The following STAU2 variants were observed in gnomAD, a reference collection of about 807,000 sequenced individuals.
STAU2 encodes the protein staufen double-stranded RNA binding protein 2.
In STAU2, 20 loss-of-function variants were observed where a neutral mutation model predicts 65.9. That is an observed-to-expected ratio of 0.30 (90% CI 0.21 to 0.44). The LOEUF is 0.44. Among genes scored for constraint, STAU2 ranks in the 20% least tolerant of loss-of-function variants. The pLI is 1.00. For missense variants in STAU2, 558 were observed against 683.9 expected, an observed-to-expected ratio of 0.82 and a Z score of 2.05; for synonymous variants, 232 against 233.9, an observed-to-expected ratio of 0.99 and a Z score of 0.07.
At chr8:73,523,802 G>A (rs1462811827) in intron 13 of STAU2, among the ~76,000 whole-genome samples, 2 of 152,162 alleles carry the variant, frequency 1.3e-5, no homozygotes, top group Non-Finnish European at 2.9e-5. Flanking sequence ...AGTGGAGGGG[G>A]CCAAATCATA....
intron 13 of STAU2, chr8:73,527,738 T>A (rs1805539990): frequency 1.3e-6 from 2 of 1,536,650 alleles, no homozygotes; most frequent in Non-Finnish European, 1.7e-6. Flanking sequence ...TGGAAAGTCA[T>A]CTGCACAGGG....
chr8:73,460,969 C>G (rs944763227), intron 13 of STAU2, among the ~76,000 whole-genome samples: 1 of 152,092 alleles, frequency 6.6e-6, no homozygotes, highest in Non-Finnish European at 1.5e-5. Context: ...GGTGTGCCTG[C>G]TCCTCTCCTC....
Position 73,425,467 on chromosome 8 carries a change from G to C in STAU2, c.1531-2765C>G, listed in dbSNP as rs1816741535. Among the ~76,000 whole-genome samples, 4 of 152,218 alleles carry C rather than the reference G, an allele frequency of 2.6e-5. No individual in the cohort carries two copies. The South Asian group carries it at 8.3e-4, about 32-fold the overall frequency. ...CCCTCACAGCCTTCAGAAGGAACCA[G>C]CCCTGCCAGCACCTTGATCTTGAAC... On this transcript the variant is annotated intron_variant, in intron 13 of 14. Coordinates refer to ENST00000524300, the MANE Select transcript of STAU2 (RefSeq NM_001164380.2).
intron 13 of STAU2, among the ~76,000 whole-genome samples, chr8:73,530,265 T>C (rs1805724732): frequency 6.6e-6 from 1 of 152,188 alleles, no homozygotes; most frequent in African/African-American, 2.4e-5. Flanking sequence ...CTAATCTCAG[T>C]GAGATTTTCT....
At chr8:73,626,282 G>A (rs1813633317) in intron 6 of STAU2, among the ~76,000 whole-genome samples, 1 of 152,212 alleles carries the variant, frequency 6.6e-6, no homozygotes, top group South Asian at 2.1e-4. Flanking sequence ...GACAGCAAGT[G>A]CAAAGGCCCT....
chr8:73,446,220 A>G (rs1470796045), intron 13 of STAU2, among the ~76,000 whole-genome samples: 1 of 152,250 alleles, frequency 6.6e-6, no homozygotes, highest in Admixed American at 6.5e-5. Context: ...CATTTATGTA[A>G]CATTTTTATA....
chr8:73,430,654 G>T (rs541455206), intron 13 of STAU2, among the ~76,000 whole-genome samples: 19 of 152,192 alleles, frequency 1.2e-4, no homozygotes, highest in Non-Finnish European at 2.5e-4. Flanking sequence ...AACATATAAT[G>T]TAGTGGCTTT....
intron 12 of STAU2, among the ~76,000 whole-genome samples, chr8:73,554,050 G>C (rs1180051566): frequency 6.6e-6 from 1 of 152,050 alleles, no homozygotes; most frequent in Non-Finnish European, 1.5e-5. Flanking sequence ...TAACCAATCA[G>C]CCTGGACAGA....
intron 6 of STAU2, among the ~76,000 whole-genome samples, chr8:73,638,167 A>C (rs1484680419): frequency 6.6e-6 from 1 of 152,042 alleles, no homozygotes; most frequent in Non-Finnish European, 1.5e-5. Flanking sequence ...CAGGGGTGGC[A>C]TAGTATTTAC....
intron 6 of STAU2, among the ~76,000 whole-genome samples, chr8:73,641,208 C>T (rs577654529): frequency 7.9e-5 from 12 of 152,160 alleles, no homozygotes; most frequent in African/African-American, 2.9e-4. Context: ...ATTAGCCAGG[C>T]ATAGTGGCCC....
chr8:73,590,653 G>A (rs957172750), intron 11 of STAU2: 1 of 152,274 alleles, frequency 6.6e-6, no homozygotes, highest in Non-Finnish European at 1.5e-5. Context: ...AGCTGAGGCA[G>A]GGCTGCCACC....
At chr8:73,744,857 G>T (rs1586402888) in intron 1 of STAU2, among the ~76,000 whole-genome samples, 2 of 152,218 alleles carry the variant, frequency 1.3e-5, no homozygotes, top group South Asian at 2.1e-4. Flanking sequence ...GATTTTCTTT[G>T]TATTATTCTT....
intron 13 of STAU2, among the ~76,000 whole-genome samples, chr8:73,545,303 CCA>C (rs1806824690): frequency 6.6e-6 from 1 of 151,948 alleles, no homozygotes; most frequent in African/African-American, 2.4e-5. Context: ...TGTCTGTTGT[CCA>C]GGTTGTATTA....
intron 13 of STAU2, among the ~76,000 whole-genome samples, chr8:73,526,232 G>A (rs1805446481): frequency 6.6e-6 from 1 of 152,148 alleles, no homozygotes; most frequent in Admixed American, 6.5e-5. Context: ...AGGAAACAGA[G>A]TTGCAAGGAA....
Position 73,471,696 on chromosome 8 carries a change from T to C in STAU2, c.1531-48994A>G, listed in dbSNP as rs147823717. On this transcript the variant is annotated intron_variant, in intron 13 of 14. Transcript: ENST00000524300. ...AGCCGGGCATGATGGCAGGTGCCTG[T>C]AATCCTAGCTACTTGGGAGGCTGAG... 4.6e-3 allele frequency among the ~76,000 whole-genome samples: 703 copies of C among 151,552 alleles called. 7 individuals are homozygous for C. The highest frequency in any genetic ancestry group is 0.016 in the African/African-American group (657 of 41,362).
At chr8:73,636,585 G>A (rs777731443) in intron 6 of STAU2, among the ~76,000 whole-genome samples, 10 of 152,108 alleles carry the variant, frequency 6.6e-5, no homozygotes, top group South Asian at 2.1e-4. Context: ...GCAAAGGGCC[G>A]GGTGTGGTGG....
At chr8:73,719,336 G>T (rs1159202218) in intron 3 of STAU2, among the ~76,000 whole-genome samples, 3 of 152,024 alleles carry the variant, frequency 2.0e-5, no homozygotes, top group Non-Finnish European at 4.4e-5. Context: ...ACTCACAAGG[G>T]GGAGCTTTCA....
intron 10 of STAU2, among the ~76,000 whole-genome samples, chr8:73,596,339 GAT>G (rs1407200999): frequency 6.6e-6 from 1 of 152,014 alleles, no homozygotes; most frequent in Non-Finnish European, 1.5e-5. Flanking sequence ...CCAAAAAAAA[GAT>G]TTTTATCATT....
chr8:73,421,282 A>G lies in STAU2; in HGVS notation c.*90T>C, dbSNP rs1455150282. ...CTTCACATAAGACTCAAATAATGGT[A>G]TTAGTCATTCATTTCCCTGAACACA... is the stretch of plus-strand genomic sequence containing the variant. On this transcript the variant is annotated 3_prime_UTR_variant, in exon 15 of 15. Coordinates refer to ENST00000524300, the MANE Select transcript of STAU2 (RefSeq NM_001164380.2). The G allele has an allele frequency of 3.8e-6, 4 of 1,042,104 alleles. No individual in the cohort carries two copies. 64.6% of individuals were successfully genotyped at this position (1,042,104 alleles called of 1,614,324 possible). A position where few individuals can be genotyped will look rare whatever the true frequency, so the allele number is the denominator to read the frequency against.
Sources: gnomAD v4.1 joint callset for allele counts (sites outside exome capture counted in the v4.1 genomes callset) on GRCh38, gnomAD v4.1.1 for gene constraint, MANE v1.5 for transcripts, NCBI Gene and HGNC (gene_info 2026-07-23, HGNC 2026-07-21) for gene names.